ATF7: variants seen among roughly 807,000 people sequenced by gnomAD.
The protein encoded by ATF7 is cyclic AMP-dependent transcription factor ATF-7.
Under a neutral mutation model 50.4 loss-of-function variants are expected in ATF7, and 10 were observed. The observed-to-expected ratio is 0.20, with a 90% CI of 0.12 to 0.34. ATF7 has a LOEUF of 0.34. Ranked by LOEUF, ATF7 falls within the 10% of genes least tolerant of loss-of-function variation. The pLI is 1.00. For missense variants in ATF7, 465 were observed against 613.9 expected, an observed-to-expected ratio of 0.76 and a Z score of 2.56; for synonymous variants, 201 against 226.4, an observed-to-expected ratio of 0.89 and a Z score of 1.01.
intron 1 of ATF7, among the ~76,000 whole-genome samples, chr12:53,603,410 TG>T (rs1284039755): frequency 6.6e-6 from 1 of 152,046 alleles, no homozygotes; most frequent in African/African-American, 2.4e-5. Context: ...CAAAAAAATT[TG>T]GGGGGAAAAA....
At chr12:53,605,958 T>C (rs1943584016) in intron 1 of ATF7, among the ~76,000 whole-genome samples, 1 of 152,228 alleles carries the variant, frequency 6.6e-6, no homozygotes, top group African/African-American at 2.4e-5. Flanking sequence ...ATATTTGCTA[T>C]GCAGGTATTT....
intron 3 of ATF7, 66 bp from the exon 4 acceptor site, chr12:53,543,514 A>G: frequency 7.0e-7 from 1 of 1,420,444 alleles, no homozygotes; most frequent in Non-Finnish European, 9.5e-7. Flanking sequence ...GATATTAAAT[A>G]GTATATAGAG....
chr12:53,509,667 G>A (rs985089865), downstream of ATF7, among the ~76,000 whole-genome samples: 7 of 151,846 alleles, frequency 4.6e-5, no homozygotes, highest in African/African-American at 9.7e-5. Flanking sequence ...CACTATGCCC[G>A]GCTAATTTTT....
intron 2 of ATF7, among the ~76,000 whole-genome samples, chr12:53,581,692 G>C (rs1223030317): frequency 6.6e-6 from 1 of 152,026 alleles, no homozygotes; most frequent in African/African-American, 2.4e-5. Flanking sequence ...ACAGTGATTA[G>C]TGGGAAACTG....
intron 2 of ATF7, among the ~76,000 whole-genome samples, chr12:53,594,762 G>A (rs374133103): frequency 2.0e-5 from 3 of 152,036 alleles, no homozygotes; most frequent in African/African-American, 4.8e-5. Flanking sequence ...GGTGGTGGGC[G>A]CTTATAGTCC....
chr12:53,522,011 G>A (rs1462607869), intron 11 of ATF7, among the ~76,000 whole-genome samples: 1 of 152,178 alleles, frequency 6.6e-6, no homozygotes, highest in Non-Finnish European at 1.5e-5. Context: ...AATTTAATTT[G>A]TAAAAAGAAA....
At chr12:53,551,675 T>G (rs1357770053) in intron 3 of ATF7, among the ~76,000 whole-genome samples, 2 of 152,212 alleles carry the variant, frequency 1.3e-5, no homozygotes, top group Non-Finnish European at 1.5e-5. Context: ...GGAAGTTCTG[T>G]CTCTCCTTCT....
intron 5 of ATF7, among the ~76,000 whole-genome samples, chr12:53,535,838 G>A (rs1176411321): frequency 6.6e-6 from 1 of 151,992 alleles, no homozygotes; most frequent in African/African-American, 2.4e-5. Context: ...ATACAGTGAT[G>A]TGCATTAAAG....
chr12:53,532,643 A>G lies in ATF7; in HGVS notation c.661-20T>C. 2 of 1,502,844 alleles carry G rather than the reference A, an allele frequency of 1.3e-6. No individual in the cohort carries two copies. The highest frequency in any genetic ancestry group is 1.8e-6 in the Non-Finnish European group (2 of 1,105,598). 93.1% of individuals were successfully genotyped at this position (1,502,844 alleles called of 1,614,324 possible). ...GGCCAGCTGGATCGAGAGAAGGAAA[A>G]AAAAAAAAAGAGAAGGGAACATAAT... is the stretch of plus-strand genomic sequence containing the variant. On this transcript the variant is annotated intron_variant, in intron 7 of 11. Coordinates refer to ENST00000420353, the MANE Select transcript of ATF7 (RefSeq NM_006856.3).
At chr12:53,575,356 G>A (rs1174612827) in intron 2 of ATF7, among the ~76,000 whole-genome samples, 3 of 150,144 alleles carry the variant, frequency 2.0e-5, no homozygotes, top group East Asian at 2.0e-4. Context: ...GCGGTGAGCC[G>A]AGATTGTGCC....
At chr12:53,520,107 G>T (rs1938022439) in intron 11 of ATF7, among the ~76,000 whole-genome samples, 1 of 152,054 alleles carries the variant, frequency 6.6e-6, no homozygotes, top group South Asian at 2.1e-4. Flanking sequence ...TACCACATTT[G>T]GCTCTGTAGC....
chr12:53,547,868 G>T (rs1009533277), intron 3 of ATF7, among the ~76,000 whole-genome samples: 6 of 151,748 alleles, frequency 4.0e-5, no homozygotes, highest in African/African-American at 1.5e-4. Context: ...TTATAGCTAT[G>T]TATGTATGTA....
intron 3 of ATF7, among the ~76,000 whole-genome samples, chr12:53,546,938 T>C (rs905285766): frequency 6.6e-6 from 1 of 151,110 alleles, no homozygotes; most frequent in Non-Finnish European, 1.5e-5. Context: ...TTGTATTTTT[T>C]TGTAGAGATG....
intron 5 of ATF7, among the ~76,000 whole-genome samples, chr12:53,535,656 T>C (rs1362096176): frequency 6.6e-6 from 1 of 152,198 alleles, no homozygotes; most frequent in Non-Finnish European, 1.5e-5. Flanking sequence ...ATAAATGTAT[T>C]AAAAATAGTA....
chr12:53,577,794 C>T (rs968211839), intron 2 of ATF7, among the ~76,000 whole-genome samples: 1 of 150,832 alleles, frequency 6.6e-6, no homozygotes, highest in Non-Finnish European at 1.5e-5. Context: ...ATAACTAAAG[C>T]GATAACTAAA....
At position 53,524,833 on chromosome 12, in the gene ATF7, G is replaced by C; in HGVS notation, c.928-72C>G. ...CTTTCCAAATCACACCTGATGTTAG[G>C]TAGAGTAGTAAGATCTGGTAAAAGG... On this transcript the variant is annotated intron_variant, in intron 9 of 11. Coordinates refer to ENST00000420353, the MANE Select transcript of ATF7 (RefSeq NM_006856.3). The surrounding 1 kb of genome is among the most constrained non-coding windows in gnomAD (Gnocchi z 4.6). The C allele has an allele frequency of 7.5e-7, 1 of 1,328,226 alleles. No individual in the cohort carries two copies. Among genetic ancestry groups the C allele is most frequent in the Non-Finnish European group, 1.0e-6 (1 of 989,844 alleles). The allele number at this position is 1,328,226 out of a possible 1,614,324, so 82.3% of individuals were successfully genotyped here.
chr12:53,577,717 G>GAA (rs747036727), intron 2 of ATF7, among the ~76,000 whole-genome samples: 33 of 96,260 alleles, frequency 3.4e-4, no homozygotes, highest in East Asian at 3.0e-3. Context: ...CTCCGTCTCT[G>GAA]AAAAAAAAAA....
intron 2 of ATF7, among the ~76,000 whole-genome samples, chr12:53,573,916 C>T (rs1592904862): frequency 1.3e-5 from 2 of 152,308 alleles, no homozygotes; most frequent in Middle Eastern, 6.8e-3. Flanking sequence ...AGGGCATAGG[C>T]TCACCAAAAT....
In ATF7 at chr12:53,539,073, T is replaced by G. The variant is rs564310095; in HGVS notation, c.265-1521A>C. 2.0e-5 allele frequency among the ~76,000 whole-genome samples: 3 copies of G among 152,272 alleles called. No individual in the cohort carries two copies. In the East Asian group the frequency reaches 5.8e-4, roughly 29 times the overall value. ...ACACTCATTAAACACTTCTGGAGAC[T>G]CTTCCACTGAGCCTGTACTTCTCAT... On this transcript the variant is annotated intron_variant, in intron 4 of 11. Transcript: ENST00000420353.
Sources: gnomAD v4.1 joint callset for allele counts (sites outside exome capture counted in the v4.1 genomes callset) on GRCh38, gnomAD v4.1.1 for gene constraint, Gnocchi (gnomAD v3.1) non-coding constraint, MANE v1.5 for transcripts, NCBI Gene and HGNC (gene_info 2026-07-23, HGNC 2026-07-21) for gene names.